The following LMX1A variants were observed in gnomAD, a reference collection of about 807,000 sequenced individuals.
LMX1A encodes the protein LIM homeobox transcription factor 1 alpha.
LMX1A carries 15 observed loss-of-function variants against 49.1 expected under a neutral mutation model. The ratio of observed to expected loss-of-function variants is 0.31; its 90% CI spans 0.20 to 0.47. The LOEUF is 0.47. Among genes scored for constraint, LMX1A ranks in the 20% least tolerant of loss-of-function variants. The pLI, the probability that LMX1A is intolerant of heterozygous loss-of-function variation, is 1.00. For missense variants in LMX1A, 372 were observed against 475.8 expected, an observed-to-expected ratio of 0.78 and a Z score of 2.03; for synonymous variants, 167 against 185.7, an observed-to-expected ratio of 0.90 and a Z score of 0.82.
intron 3 of LMX1A, among the ~76,000 whole-genome samples, chr1:165,352,805 G>A (rs922300932): frequency 6.6e-6 from 1 of 152,244 alleles, no homozygotes. Flanking sequence ...AAGGGGCCTG[G>A]AAGGACCAGA....
intron 3 of LMX1A, among the ~76,000 whole-genome samples, chr1:165,282,241 C>T (rs1654174612): frequency 1.3e-5 from 2 of 152,168 alleles, no homozygotes; most frequent in African/African-American, 4.8e-5. Flanking sequence ...TCATGCTATC[C>T]AATTGCCTCT....
intron 3 of LMX1A, among the ~76,000 whole-genome samples, chr1:165,342,669 C>A (rs994498620): frequency 6.6e-6 from 1 of 151,992 alleles, no homozygotes; most frequent in Non-Finnish European, 1.5e-5. Flanking sequence ...AACAAAGAGG[C>A]AATCCCCAAA....
chr1:165,323,491 T>C lies in LMX1A; in HGVS notation c.263+29585A>G, dbSNP rs1172940988. Among the ~76,000 whole-genome samples the C allele has an allele frequency of 2.6e-5, 4 of 152,328 alleles. No individual in the cohort carries two copies. In the East Asian group the frequency reaches 7.7e-4, roughly 29 times the overall value. On this transcript the variant is annotated intron_variant, in intron 3 of 8. Coordinates refer to ENST00000342310, the MANE Select transcript of LMX1A (RefSeq NM_177398.4). ...AGCTTATATCACTGCCATGACATCA[T>C]TGGTTTCATGTTATAATGTTTCTAT... is the stretch of plus-strand genomic sequence containing the variant.
At chr1:165,269,517 C>T (rs1385483524) in intron 3 of LMX1A, among the ~76,000 whole-genome samples, 1 of 152,136 alleles carries the variant, frequency 6.6e-6, no homozygotes, top group Non-Finnish European at 1.5e-5. Flanking sequence ...CCAGAAATAC[C>T]ATTTGACCCA....
chr1:165,340,410 G>A (rs758705483), intron 3 of LMX1A, among the ~76,000 whole-genome samples: 18 of 152,078 alleles, frequency 1.2e-4, no homozygotes, highest in Non-Finnish European at 1.9e-4. Flanking sequence ...ACTACGCTTG[G>A]TAAGGGCAAA....
chr1:165,316,400 A>T (rs1453605921), intron 3 of LMX1A, among the ~76,000 whole-genome samples: 1 of 152,178 alleles, frequency 6.6e-6, no homozygotes, highest in African/African-American at 2.4e-5. Context: ...CTGCCTATGG[A>T]ACCAGCACCA....
At chr1:165,316,804 C>T (rs1455863133) in intron 3 of LMX1A, among the ~76,000 whole-genome samples, 1 of 152,056 alleles carries the variant, frequency 6.6e-6, no homozygotes, top group Non-Finnish European at 1.5e-5. Flanking sequence ...GGAAAGAAGC[C>T]CAGCAGCCCT....
At chr1:165,330,271 C>G (rs982750536) in intron 3 of LMX1A, among the ~76,000 whole-genome samples, 1 of 152,146 alleles carries the variant, frequency 6.6e-6, no homozygotes, top group Non-Finnish European at 1.5e-5. Context: ...CCCAGGAGTT[C>G]AACACCAGCC....
intron 3 of LMX1A, among the ~76,000 whole-genome samples, chr1:165,252,694 T>C (rs73029254): frequency 6.6e-6 from 1 of 152,282 alleles, no homozygotes; most frequent in African/African-American, 2.4e-5. Context: ...GGGCACAGAA[T>C]GGCCAGAGAG....
At chr1:165,292,002 C>G (rs1028947446) in intron 3 of LMX1A, among the ~76,000 whole-genome samples, 4 of 135,680 alleles carry the variant, frequency 2.9e-5, no homozygotes, top group African/African-American at 1.1e-4. Flanking sequence ...GCGGAGCTTG[C>G]AGTGAGTCGA....
intron 3 of LMX1A, among the ~76,000 whole-genome samples, chr1:165,292,893 C>T (rs927327837): frequency 1.3e-5 from 2 of 151,996 alleles, no homozygotes; most frequent in African/African-American, 4.8e-5. Context: ...CTGAGGTGGG[C>T]AGATCACGAG....
intron 3 of LMX1A, among the ~76,000 whole-genome samples, chr1:165,336,775 C>T (rs193072544): frequency 6.6e-6 from 1 of 152,234 alleles, no homozygotes; most frequent in East Asian, 1.9e-4. Context: ...CGACCTAATG[C>T]CTATCCTATT....
intron 3 of LMX1A, among the ~76,000 whole-genome samples, chr1:165,309,150 T>C (rs1373453679): frequency 6.6e-6 from 1 of 150,988 alleles, no homozygotes; most frequent in Non-Finnish European, 1.5e-5. Context: ...CGAGATACCC[T>C]GACAGAGTGA....
At chr1:165,243,418 C>T (rs1027561308) in intron 4 of LMX1A, among the ~76,000 whole-genome samples, 2 of 152,194 alleles carry the variant, frequency 1.3e-5, no homozygotes, top group African/African-American at 4.8e-5. Context: ...ATCAACAGAA[C>T]ATAATATCTA....
At chr1:165,297,768 G>T (rs933520240) in intron 3 of LMX1A, among the ~76,000 whole-genome samples, 4 of 152,148 alleles carry the variant, frequency 2.6e-5, no homozygotes. Context: ...GGAGAAGAAG[G>T]CTCACTCTAC....
chr1:165,213,801 T>C lies in LMX1A; in HGVS notation c.509A>G (p.Asp170Gly), dbSNP rs201194517. The change falls in exon 5 of 9, where the codon GAT (aspartate) becomes GGT (glycine). Residue 170 changes from aspartate to glycine, a missense_variant. Asp to Gly is a moderately conservative substitution (Grantham distance 94). Coordinates refer to ENST00000342310, the MANE Select transcript of LMX1A (RefSeq NM_177398.4). Reference protein sequence around the residue: ...PAASDSGKSDDEESLCKSAHG... With the variant: ...PAASDSGKSDGEESLCKSAHG... ...GGCTGACTTGCAGAGACTTTCTTCA[T>C]CATCACTTTTACCTGAAAGAAGCAA... The C allele has an allele frequency of 6.2e-7, 1 of 1,614,038 alleles. No homozygotes were observed.
chr1:165,276,064 AG>A (rs1233561513), intron 3 of LMX1A, among the ~76,000 whole-genome samples: 1 of 151,962 alleles, frequency 6.6e-6, no homozygotes, highest in Non-Finnish European at 1.5e-5. Flanking sequence ...CAGGAAGAAG[AG>A]GGGGAGGGGC....
At chr1:165,324,760 T>A (rs1414390994) in intron 3 of LMX1A, among the ~76,000 whole-genome samples, 1 of 152,186 alleles carries the variant, frequency 6.6e-6, no homozygotes, top group Non-Finnish European at 1.5e-5. Context: ...ATCAGAGAAA[T>A]AATTTGCCCA....
chr1:165,278,219 C>T (rs1167498791), intron 3 of LMX1A, among the ~76,000 whole-genome samples: 2 of 152,188 alleles, frequency 1.3e-5, no homozygotes, highest in Non-Finnish European at 2.9e-5. Flanking sequence ...TCCCAGTTTA[C>T]TTCATATTCT....
Sources: gnomAD v4.1 joint callset for allele counts (sites outside exome capture counted in the v4.1 genomes callset) on GRCh38, gnomAD v4.1.1 for gene constraint, MANE v1.5 for transcripts, NCBI Gene and HGNC (gene_info 2026-07-23, HGNC 2026-07-21) for gene names.